SMAGP: variants seen among roughly 807,000 people sequenced by gnomAD.
SMAGP encodes small cell transmembrane and glycosylated protein.
In SMAGP, 7 loss-of-function variants were observed where a neutral mutation model predicts 10.1. The observed-to-expected ratio is 0.70, with a 90% CI of 0.40 to 1.31. The LOEUF (loss-of-function observed/expected upper bound fraction) is 1.31. SMAGP is among the 50% of genes most tolerant of loss of function. The probability of loss-of-function intolerance (pLI) is 0.01; values close to 1 mark genes in which losing one functional copy is unlikely to be tolerated. For missense variants in SMAGP, 113 were observed against 116.5 expected (o/e 0.97, Z 0.14); for synonymous variants, 49 against 47.2 (o/e 1.04, Z -0.16).
chr12:51,267,448 A>C (rs1944984452), intron 2 of SMAGP, among the ~76,000 whole-genome samples: 1 of 150,212 alleles, frequency 6.7e-6, no homozygotes, highest in Non-Finnish European at 1.5e-5. Flanking sequence ...CCCACCCATG[A>C]AGCCTTTGCT....
chr12:51,263,111 G>A (rs1473232353), intron 2 of SMAGP, among the ~76,000 whole-genome samples: 4 of 152,030 alleles, frequency 2.6e-5, no homozygotes, highest in Non-Finnish European at 5.9e-5. Context: ...AAAATTTAAC[G>A]GTGACTCATG....
chr12:51,258,592 CA>C (rs35408875), intron 2 of SMAGP, among the ~76,000 whole-genome samples: 202 of 129,096 alleles, frequency 1.6e-3, no homozygotes, highest in Middle Eastern at 4.3e-3. Context: ...GACTCCATCT[CA>C]AAAAAAAAAA....
chr12:51,262,888 C>T (rs1944942392), intron 2 of SMAGP, among the ~76,000 whole-genome samples: 1 of 152,166 alleles, frequency 6.6e-6, no homozygotes, highest in Non-Finnish European at 1.5e-5. Context: ...GAGGGCGGCT[C>T]CCCGAGTTCT....
At chr12:51,261,788 T>C (rs1041485037) in intron 2 of SMAGP, among the ~76,000 whole-genome samples, 1 of 152,112 alleles carries the variant, frequency 6.6e-6, no homozygotes, top group Admixed American at 6.6e-5. Flanking sequence ...TGGAGAGGAA[T>C]GATGAAATAA....
chr12:51,267,580 A>G (rs1944987436), intron 2 of SMAGP, among the ~76,000 whole-genome samples: 2 of 146,080 alleles, frequency 1.4e-5, no homozygotes, highest in African/African-American at 5.1e-5. Context: ...TGCAACCTCC[A>G]TCTCCTGGGC....
intron 2 of SMAGP, among the ~76,000 whole-genome samples, chr12:51,267,927 C>T (rs1944990296): frequency 6.6e-6 from 1 of 152,202 alleles, no homozygotes; most frequent in African/African-American, 2.4e-5. Context: ...GCAGAGAATG[C>T]CTGTCCTAAT....
chr12:51,248,263 G>A (rs1349885383), intron 2 of SMAGP, among the ~76,000 whole-genome samples: 1 of 152,086 alleles, frequency 6.6e-6, no homozygotes, highest in African/African-American at 2.4e-5. Context: ...TTGCAATACA[G>A]AAAGCAGAGG....
At chr12:51,266,220 T>C (rs1944973176) in intron 2 of SMAGP, among the ~76,000 whole-genome samples, 1 of 152,230 alleles carries the variant, frequency 6.6e-6, no homozygotes, top group South Asian at 2.1e-4. Context: ...GAACAATTCA[T>C]ACATTTTAAA....
At chr12:51,256,435 A>C (rs1301250493) in intron 2 of SMAGP, among the ~76,000 whole-genome samples, 1 of 151,782 alleles carries the variant, frequency 6.6e-6, no homozygotes, top group African/African-American at 2.4e-5. Flanking sequence ...AAAAAAACAC[A>C]AACAAGCCGG....
intron 1 of SMAGP, chr12:51,270,041 C>T (rs1592239584): frequency 6.6e-6 from 1 of 151,746 alleles, no homozygotes; most frequent in Non-Finnish European, 1.5e-5. Context: ...CGCCCCCGCC[C>T]CGAGCCCCCC....
intron 2 of SMAGP, 102 bp from the exon 3 acceptor site, chr12:51,246,933 C>G (rs1592230693): frequency 2.6e-6 from 2 of 765,058 alleles, no homozygotes; most frequent in East Asian, 6.2e-5. Context: ...CTTCCCTATT[C>G]AAAAGTTTAT....
intron 2 of SMAGP, among the ~76,000 whole-genome samples, chr12:51,256,786 G>GATATAT (rs10660613): frequency 1.4e-5 from 2 of 145,684 alleles, no homozygotes; most frequent in Non-Finnish European, 3.0e-5. Context: ...CCCAAAAAAA[G>GATATAT]ATATATATAT....
intron 2 of SMAGP, chr12:51,251,699 A>G (rs1307088475): frequency 6.6e-6 from 1 of 152,162 alleles, no homozygotes; most frequent in Non-Finnish European, 1.5e-5. Context: ...CTCACTGGTG[A>G]TAGGTAACTT....
intron 2 of SMAGP, among the ~76,000 whole-genome samples, chr12:51,250,881 G>A (rs746146362): frequency 3.3e-5 from 5 of 152,062 alleles, no homozygotes; most frequent in Admixed American, 6.6e-5. Context: ...ATACAACACT[G>A]TGACTCCCAT....
chr12:51,259,360 TG>T (rs1172974119), intron 2 of SMAGP, among the ~76,000 whole-genome samples: 2 of 151,848 alleles, frequency 1.3e-5, no homozygotes, highest in African/African-American at 4.8e-5. Context: ...GCGATCCTCC[TG>T]CCTGAACAAC....
intron 2 of SMAGP, among the ~76,000 whole-genome samples, chr12:51,259,595 A>G (rs1297640214): frequency 6.9e-6 from 1 of 144,020 alleles, no homozygotes; most frequent in East Asian, 2.0e-4. Context: ...TGGCTTAGCA[A>G]CATCATATAT....
chr12:51,260,413 G>C (rs1944922095), intron 2 of SMAGP, among the ~76,000 whole-genome samples: 1 of 151,580 alleles, frequency 6.6e-6, no homozygotes, highest in Non-Finnish European at 1.5e-5. Context: ...GTCTCGCTCT[G>C]TCACCCAGGC....
intron 2 of SMAGP, among the ~76,000 whole-genome samples, chr12:51,248,517 G>T (rs559975028): frequency 6.7e-6 from 1 of 148,330 alleles, no homozygotes; most frequent in Non-Finnish European, 1.5e-5. Flanking sequence ...CCCACAGCCC[G>T]TTAGCCTTGT....
chr12:51,249,061 T>C (rs1015990883), intron 2 of SMAGP, among the ~76,000 whole-genome samples: 9 of 151,798 alleles, frequency 5.9e-5, no homozygotes, highest in South Asian at 2.1e-4. Flanking sequence ...ACCTGGGGGA[T>C]AGAATGAGAC....
Sources: allele counts gnomAD v4.1 joint callset (sites outside exome capture counted in the v4.1 genomes callset), GRCh38; gene constraint gnomAD v4.1.1; transcripts MANE v1.5; gene names NCBI Gene and HGNC (gene_info 2026-07-23, HGNC 2026-07-21).